Variants in DLGAP2 observed in about 807,000 individuals in gnomAD.
DLGAP2 encodes disks large-associated protein 2.
A neutral mutation model predicts 100.3 loss-of-function variants in DLGAP2; 26 were observed. That is an observed-to-expected ratio of 0.26 (90% CI 0.19 to 0.36). DLGAP2 has a LOEUF of 0.36. DLGAP2 is among the 10% of genes least tolerant of loss of function. The pLI is 1.00. For missense variants in DLGAP2, 1,858 were observed against 1,453.2 expected, an observed-to-expected ratio of 1.28 and a Z score of -4.53; for synonymous variants, 886 against 630.1, an observed-to-expected ratio of 1.41 and a Z score of -6.08.
intron 4 of DLGAP2, among the ~76,000 whole-genome samples, chr8:1,547,029 G>A (rs1334736122): frequency 6.6e-6 from 1 of 152,168 alleles, no homozygotes; most frequent in Non-Finnish European, 1.5e-5. Context: ...CGAGTGGTGT[G>A]GAGCCGGGTC....
chr8:1,075,165 C>T (rs1272169107), intron 2 of DLGAP2, among the ~76,000 whole-genome samples: 2 of 152,186 alleles, frequency 1.3e-5, no homozygotes, highest in African/African-American at 4.8e-5. Flanking sequence ...GACAAACAGC[C>T]CCTCCTTTTC....
intron 1 of DLGAP2, among the ~76,000 whole-genome samples, chr8:788,918 G>A (rs1042106959): frequency 9.2e-5 from 14 of 152,194 alleles, no homozygotes; most frequent in African/African-American, 3.4e-4. Flanking sequence ...CCTCAAGTGG[G>A]AAGCACAGAT....
At chr8:841,741 C>T (rs561064251) in intron 1 of DLGAP2, among the ~76,000 whole-genome samples, 19 of 152,228 alleles carry the variant, frequency 1.2e-4, no homozygotes, top group African/African-American at 4.6e-4. Context: ...CCCCCACACC[C>T]GGCAGCAGGT....
intron 3 of DLGAP2, among the ~76,000 whole-genome samples, chr8:1,315,389 G>C (rs1208940680): frequency 7.0e-6 from 1 of 141,958 alleles, no homozygotes. Context: ...TCCAACAGTG[G>C]TCTACACTCG....
chr8:816,354 G>GT (rs1451771387), intron 1 of DLGAP2, among the ~76,000 whole-genome samples: 1 of 150,764 alleles, frequency 6.6e-6, no homozygotes, highest in Non-Finnish European at 1.5e-5. Context: ...CTACTTTGGT[G>GT]TATCTCAAGG....
chr8:1,408,376 G>T (rs948926474), intron 3 of DLGAP2, among the ~76,000 whole-genome samples: 1 of 152,190 alleles, frequency 6.6e-6, no homozygotes, highest in African/African-American at 2.4e-5. Context: ...GGAGAAATCA[G>T]TTCCAGGCCC....
chr8:1,162,521 AG>A (rs1307965166), intron 2 of DLGAP2, among the ~76,000 whole-genome samples: 8 of 152,246 alleles, frequency 5.3e-5, no homozygotes, highest in African/African-American at 1.9e-4. Flanking sequence ...AAAATTAAGC[AG>A]GTTTTAAAAT....
chr8:1,293,579 C>T (rs987326999), intron 3 of DLGAP2, among the ~76,000 whole-genome samples: 6 of 152,172 alleles, frequency 3.9e-5, no homozygotes, highest in South Asian at 2.1e-4. Flanking sequence ...TCATTTCCTT[C>T]TGTGCTAAAA....
intron 7 of DLGAP2, among the ~76,000 whole-genome samples, chr8:1,627,133 C>T (rs888515940): frequency 2.0e-5 from 3 of 152,182 alleles, no homozygotes; most frequent in African/African-American, 7.2e-5. Flanking sequence ...GAAGCAATGA[C>T]CAAAAGGGTG....
intron 6 of DLGAP2, among the ~76,000 whole-genome samples, chr8:1,613,472 G>C (rs960118353): frequency 6.6e-6 from 1 of 151,410 alleles, no homozygotes. Context: ...CAGCGCACCA[G>C]CATGGCACAT....
rs556659038 is a variant in DLGAP2 at position 806,441 on chromosome 8, A to T, written c.18+68616A>T. Reference sequence around the variant, plus strand: ...CTGGTCACCGCGGCCAGGGGATCCAATGCGCACCTGGAGAATTGGCAAATC... The same window carrying T: ...CTGGTCACCGCGGCCAGGGGATCCATTGCGCACCTGGAGAATTGGCAAATC... On this transcript the variant is annotated intron_variant, in intron 1 of 14. Transcript: ENST00000637795. Among the ~76,000 whole-genome samples the T allele has an allele frequency of 2.0e-5, 3 of 152,302 alleles. No individual in the cohort carries two copies. The East Asian group carries it at 5.8e-4, about 29-fold the overall frequency.
intron 6 of DLGAP2, among the ~76,000 whole-genome samples, chr8:1,574,365 G>A (rs569594704): frequency 2.0e-5 from 3 of 152,176 alleles, no homozygotes; most frequent in African/African-American, 4.8e-5. Flanking sequence ...CGCCGCTCTG[G>A]TAACTGTGCT....
chr8:1,240,030 G>A (rs1309326417), intron 2 of DLGAP2, among the ~76,000 whole-genome samples: 18 of 139,810 alleles, frequency 1.3e-4, no homozygotes, highest in Middle Eastern at 4.8e-3. Context: ...CTCACATGGC[G>A]CCGTGTCTAG....
chr8:1,495,779 T>G (rs1360767452), intron 3 of DLGAP2, among the ~76,000 whole-genome samples: 1 of 152,208 alleles, frequency 6.6e-6, no homozygotes, highest in Admixed American at 6.5e-5. Context: ...CCCCGTATGC[T>G]TTCGCTTTCT....
At chr8:1,391,909 A>G (rs1200106600) in intron 3 of DLGAP2, among the ~76,000 whole-genome samples, 1 of 152,246 alleles carries the variant, frequency 6.6e-6, no homozygotes, top group Non-Finnish European at 1.5e-5. Flanking sequence ...TGGACAACCA[A>G]CAAGGGGCCA....
intron 2 of DLGAP2, among the ~76,000 whole-genome samples, chr8:1,194,422 G>A (rs1394973515): frequency 6.6e-6 from 1 of 152,168 alleles, no homozygotes; most frequent in African/African-American, 2.4e-5. Flanking sequence ...CAGAGCTGGA[G>A]GCTCCTCCTG....
rs1563161121 is a variant in DLGAP2, at chr8:1,042,790, GTGTGGGTGGTGGGTGTGGGTGGTGGA to G, written c.73+134850_73+134875del. ...TGTGGGTGATGGATGTGGGTGGTGGGTGTGGGTGGTGGGTGTGGGTGGTGGATGTGGGTGGTGGGTGTGGGTGGTGG... is the reference window on the plus strand; with the variant it reads ...TGTGGGTGATGGATGTGGGTGGTGGGTGTGGGTGGTGGGTGTGGGTGGTGG... On this transcript the variant is annotated intron_variant, in intron 2 of 14. Transcript: ENST00000637795. 2.8e-4 allele frequency among the ~76,000 whole-genome samples: 27 copies of G among 95,378 alleles called. 1 individual carries two copies. The highest frequency in any genetic ancestry group is 3.1e-4 in the Non-Finnish European group (14 of 44,880). 62.6% of individuals were successfully genotyped at this position (95,378 alleles called of 152,430 possible).
At chr8:1,090,639 C>T (rs1804148570) in intron 2 of DLGAP2, among the ~76,000 whole-genome samples, 1 of 152,222 alleles carries the variant, frequency 6.6e-6, no homozygotes, top group South Asian at 2.1e-4. Context: ...TGACTGAGCC[C>T]TGAGGGGCCT....
intron 3 of DLGAP2, among the ~76,000 whole-genome samples, chr8:1,282,202 T>C (rs1799831144): frequency 9.1e-6 from 1 of 109,484 alleles, no homozygotes. Context: ...CATCCGGACA[T>C]GGTGTGACCT....
Sources: allele counts gnomAD v4.1 joint callset (sites outside exome capture counted in the v4.1 genomes callset), GRCh38; gene constraint gnomAD v4.1.1; transcripts MANE v1.5; gene names NCBI Gene and HGNC (gene_info 2026-07-23, HGNC 2026-07-21).